Variants in CSMD1 observed in about 807,000 individuals in gnomAD.
CSMD1 encodes the protein CUB and sushi domain-containing protein 1.
CSMD1 carries 213 observed loss-of-function variants against 417.5 expected under a neutral mutation model. That is an observed-to-expected ratio of 0.51 (90% confidence interval 0.46 to 0.57). CSMD1 has a LOEUF of 0.57. CSMD1 is among the 20% of genes least tolerant of loss of function. The pLI, the probability that CSMD1 is intolerant of heterozygous loss-of-function variation, is 0.00. For synonymous variants in CSMD1, 2,862 were observed against 1,736.8 expected, an observed-to-expected ratio of 1.65 and a Z score of -16.11; for missense variants, 6,923 against 4,529.7, an observed-to-expected ratio of 1.53 and a Z score of -15.17.
intron 12 of CSMD1, among the ~76,000 whole-genome samples, chr8:3,412,825 G>A (rs1013928807): frequency 6.6e-6 from 1 of 152,228 alleles, no homozygotes; most frequent in African/African-American, 2.4e-5. Flanking sequence ...TGCTTGGGAT[G>A]CCTTGAATGA....
intron 37 of CSMD1, among the ~76,000 whole-genome samples, chr8:3,172,428 C>A (rs186275196): frequency 6.6e-6 from 1 of 152,134 alleles, no homozygotes; most frequent in Non-Finnish European, 1.5e-5. Flanking sequence ...CTCAGAACCC[C>A]GCCAATTTGC....
At chr8:3,327,682 T>C (rs1806625132) in intron 23 of CSMD1, among the ~76,000 whole-genome samples, 1 of 152,184 alleles carries the variant, frequency 6.6e-6, no homozygotes, top group Non-Finnish European at 1.5e-5. Context: ...ACCGAAGAAA[T>C]GAGCACATAC....
intron 50 of CSMD1, among the ~76,000 whole-genome samples, chr8:3,033,980 C>G (rs1439881364): frequency 6.6e-6 from 1 of 152,142 alleles, no homozygotes; most frequent in Non-Finnish European, 1.5e-5. Context: ...CCAGACTAGT[C>G]AGACCACCCC....
chr8:3,952,322 C>T (rs1811650143), intron 5 of CSMD1, among the ~76,000 whole-genome samples: 2 of 152,250 alleles, frequency 1.3e-5, no homozygotes, highest in African/African-American at 2.4e-5. Context: ...AAATTGCATG[C>T]AGAAGCCAAT....
chr8:4,100,315 C>G (rs1235426980), intron 3 of CSMD1, among the ~76,000 whole-genome samples: 2 of 152,122 alleles, frequency 1.3e-5, no homozygotes, highest in Non-Finnish European at 2.9e-5. Flanking sequence ...CCAAATGAAA[C>G]CTTCACCAAA....
intron 2 of CSMD1, among the ~76,000 whole-genome samples, chr8:4,631,313 G>A (rs1030892025): frequency 1.5e-4 from 23 of 152,176 alleles, no homozygotes; most frequent in African/African-American, 5.3e-4. Context: ...AGTGAGCTGA[G>A]ATCCTGCCAC....
At chr8:3,086,263 A>C (rs1585312242) in intron 49 of CSMD1, among the ~76,000 whole-genome samples, 1 of 152,344 alleles carries the variant, frequency 6.6e-6, no homozygotes, top group Middle Eastern at 3.4e-3. Context: ...TGTTTATTTT[A>C]CATTAAATAC....
intron 5 of CSMD1, among the ~76,000 whole-genome samples, chr8:3,873,370 G>A (rs1393658667): frequency 6.6e-6 from 1 of 151,442 alleles, no homozygotes; most frequent in Non-Finnish European, 1.5e-5. Context: ...ATACTATCAA[G>A]ACATAAAAAA....
chr8:4,181,979 G>A (rs1176940940), intron 3 of CSMD1, among the ~76,000 whole-genome samples: 1 of 143,232 alleles, frequency 7.0e-6, no homozygotes, highest in Non-Finnish European at 1.5e-5. Flanking sequence ...TGTGTGATGT[G>A]TGTGTAATGT....
intron 11 of CSMD1, among the ~76,000 whole-genome samples, chr8:3,490,285 C>A (rs981871890): frequency 6.6e-6 from 1 of 152,136 alleles, no homozygotes; most frequent in Non-Finnish European, 1.5e-5. Context: ...CAGATTCAAG[C>A]TATTGAGAGA....
chr8:3,805,041 G>A (rs765813744), intron 5 of CSMD1, among the ~76,000 whole-genome samples: 1 of 152,054 alleles, frequency 6.6e-6, no homozygotes. Flanking sequence ...ATTCACACTG[G>A]AATATAACAC....
intron 1 of CSMD1, among the ~76,000 whole-genome samples, chr8:4,761,555 T>C (rs1368243446): frequency 3.9e-5 from 6 of 152,222 alleles, no homozygotes; most frequent in East Asian, 3.9e-4. Context: ...GACTTAGAGT[T>C]TGAAATTCCT....
chr8:4,095,356 G>C (rs920909443), intron 3 of CSMD1, among the ~76,000 whole-genome samples: 2 of 152,010 alleles, frequency 1.3e-5, no homozygotes, highest in East Asian at 1.9e-4. Context: ...TTGCCTGGTT[G>C]TATGTGGCTG....
intron 1 of CSMD1, among the ~76,000 whole-genome samples, chr8:4,666,308 T>C (rs62484565): frequency 0.071 from 10,741 of 152,222 alleles, 457 homozygotes; most frequent in Middle Eastern, 0.17. Context: ...GATTTTGGAA[T>C]AGCCAGATGG....
At chr8:4,492,867 G>A (rs911445236) in intron 2 of CSMD1, among the ~76,000 whole-genome samples, 7 of 152,126 alleles carry the variant, frequency 4.6e-5, no homozygotes, top group African/African-American at 1.7e-4. Flanking sequence ...GAACATGCTT[G>A]AAAAATACAT....
chr8:4,360,484 C>G (rs954455167), intron 3 of CSMD1, among the ~76,000 whole-genome samples: 17 of 152,252 alleles, frequency 1.1e-4, no homozygotes, highest in East Asian at 9.7e-4. Flanking sequence ...CTTGCACATA[C>G]TTCCTGTTCC....
chr8:3,146,598 C>T (rs1377992604), intron 40 of CSMD1, among the ~76,000 whole-genome samples: 1 of 152,192 alleles, frequency 6.6e-6, no homozygotes, highest in East Asian at 1.9e-4. Flanking sequence ...TGAGCAACCA[C>T]AGCTTATGCT....
chr8:4,421,806 G>C (rs1409172122), intron 2 of CSMD1, among the ~76,000 whole-genome samples: 2 of 150,956 alleles, frequency 1.3e-5, no homozygotes, highest in Admixed American at 1.3e-4. Context: ...AAAGCAAACA[G>C]AAAGCAAAAA....
chr8:3,359,461 C>A, intron 20 of CSMD1, 121 bp from the exon 21 acceptor site: 1 of 735,838 alleles, frequency 1.4e-6, no homozygotes, highest in Non-Finnish European at 2.1e-6. Flanking sequence ...ATATATTTTC[C>A]CCAAACACTT....
Sources: gnomAD v4.1 joint callset for allele counts (sites outside exome capture counted in the v4.1 genomes callset) on GRCh38, gnomAD v4.1.1 for gene constraint, MANE v1.5 for transcripts, NCBI Gene and HGNC (gene_info 2026-07-23, HGNC 2026-07-21) for gene names.